The following CSMD1 variants were observed in gnomAD, a reference collection of about 807,000 sequenced individuals.
CSMD1 encodes the protein CUB and Sushi multiple domains 1, also known as CUB and sushi domain-containing protein 1.
In CSMD1, 213 loss-of-function variants were observed where a neutral mutation model predicts 417.5. The ratio of observed to expected loss-of-function variants is 0.51; its 90% CI spans 0.46 to 0.57. The LOEUF (loss-of-function observed/expected upper bound fraction) is 0.57. Among genes scored for constraint, CSMD1 ranks in the 20% least tolerant of loss-of-function variants. CSMD1 has a pLI of 0.00. For missense variants in CSMD1, 6,923 were observed against 4,529.7 expected (o/e 1.53, Z -15.17); for synonymous variants, 2,862 against 1,736.8 (o/e 1.65, Z -16.11).
At chr8:3,903,015 A>C (rs2975335) in intron 5 of CSMD1, among the ~76,000 whole-genome samples, 104 of 152,174 alleles carry the variant, frequency 6.8e-4, no homozygotes, top group Non-Finnish European at 8.8e-5. Context: ...CGATGAATGC[A>C]CGTTTCTGTG....
At chr8:4,982,231 G>A (rs974536233) in intron 1 of CSMD1, among the ~76,000 whole-genome samples, 1 of 152,188 alleles carries the variant, frequency 6.6e-6, no homozygotes, top group African/African-American at 2.4e-5. Flanking sequence ...TGTGCTGTTT[G>A]AAGCTGTTGC....
At chr8:4,186,156 T>A (rs1798663830) in intron 3 of CSMD1, among the ~76,000 whole-genome samples, 1 of 152,124 alleles carries the variant, frequency 6.6e-6, no homozygotes, top group Non-Finnish European at 1.5e-5. Context: ...CACTGGAGCA[T>A]ATGAGAAGCA....
intron 3 of CSMD1, among the ~76,000 whole-genome samples, chr8:4,407,588 T>C (rs926220521): frequency 6.6e-6 from 1 of 152,224 alleles, no homozygotes; most frequent in Admixed American, 6.5e-5. Flanking sequence ...GATACCTCAC[T>C]TAAATTTCTA....
chr8:3,050,098 G>C (rs1400717677), intron 50 of CSMD1, among the ~76,000 whole-genome samples: 1 of 141,420 alleles, frequency 7.1e-6, no homozygotes, highest in African/African-American at 2.6e-5. Flanking sequence ...ATAACACCTA[G>C]AGAACTTAAA....
intron 5 of CSMD1, among the ~76,000 whole-genome samples, chr8:3,766,062 C>G (rs1019212226): frequency 3.9e-5 from 6 of 152,180 alleles, no homozygotes; most frequent in African/African-American, 9.7e-5. Context: ...CAGGGAATTG[C>G]TCAGAACTCA....
Position 4,124,436 on chromosome 8 carries a change from G to A in CSMD1, c.416-92337C>T, listed in dbSNP as rs559367420. On this transcript the variant is annotated intron_variant, in intron 3 of 69. Transcript: ENST00000635120. ...TTTTTTCCCTTTAGTGTAGAAGGGA[G>A]GAAACCCACGAAGCTGCAGATGGCC... Among the ~76,000 whole-genome samples the A allele has an allele frequency of 9.9e-5, 15 of 151,962 alleles. 1 individual carries two copies. In the South Asian group the frequency reaches 3.1e-3, roughly 31 times the overall value.
chr8:4,747,422 G>A (rs573816652), intron 1 of CSMD1, among the ~76,000 whole-genome samples: 13 of 152,244 alleles, frequency 8.5e-5, no homozygotes, highest in South Asian at 2.1e-4. Flanking sequence ...ATACAATAGT[G>A]TGTTAAAAGG....
At chr8:4,141,227 T>A (rs747162615) in intron 3 of CSMD1, among the ~76,000 whole-genome samples, 1 of 151,050 alleles carries the variant, frequency 6.6e-6, no homozygotes, top group African/African-American at 2.5e-5. Flanking sequence ...AACCTTCACA[T>A]TTACAAGATA....
intron 1 of CSMD1, among the ~76,000 whole-genome samples, chr8:4,927,786 G>C (rs925067913): frequency 1.4e-4 from 22 of 152,058 alleles, no homozygotes; most frequent in Admixed American, 3.3e-4. Context: ...TGAAACCTTG[G>C]ATTCCAACTT....
chr8:3,854,029 T>G (rs948086591), intron 5 of CSMD1, among the ~76,000 whole-genome samples: 5 of 145,754 alleles, frequency 3.4e-5, no homozygotes, highest in African/African-American at 1.2e-4. Context: ...TATAAATATA[T>G]TAAATATAAT....
intron 12 of CSMD1, among the ~76,000 whole-genome samples, chr8:3,453,420 A>G (rs905503326): frequency 5.9e-5 from 9 of 151,646 alleles, no homozygotes; most frequent in Non-Finnish European, 1.2e-4. Flanking sequence ...TCAATTTTAG[A>G]TCTTGCCTGC....
chr8:4,499,064 G>A (rs564567405), intron 2 of CSMD1, among the ~76,000 whole-genome samples: 7 of 152,240 alleles, frequency 4.6e-5, no homozygotes, highest in Non-Finnish European at 7.4e-5. Context: ...ATACAGCACT[G>A]ATGAAAGTGC....
At chr8:4,819,216 C>A (rs1002231595) in intron 1 of CSMD1, among the ~76,000 whole-genome samples, 1 of 152,082 alleles carries the variant, frequency 6.6e-6, no homozygotes, top group Non-Finnish European at 1.5e-5. Flanking sequence ...ATAATAATAA[C>A]AATTATTACA....
At chr8:3,912,129 C>G (rs780577847) in intron 5 of CSMD1, among the ~76,000 whole-genome samples, 11 of 152,114 alleles carry the variant, frequency 7.2e-5, no homozygotes, top group Non-Finnish European at 1.2e-4. Flanking sequence ...GACTGATTTT[C>G]TATTTTTATT....
intron 3 of CSMD1, among the ~76,000 whole-genome samples, chr8:4,135,773 G>A (rs1178042668): frequency 1.3e-5 from 2 of 152,102 alleles, no homozygotes; most frequent in Non-Finnish European, 2.9e-5. Context: ...AAGAGAAACT[G>A]ATTAATGATA....
chr8:3,899,581 G>C (rs1251616964), intron 5 of CSMD1, among the ~76,000 whole-genome samples: 1 of 152,184 alleles, frequency 6.6e-6, no homozygotes, highest in Admixed American at 6.5e-5. Flanking sequence ...TAAAATTTCT[G>C]TTTCTCAAGG....
chr8:4,932,160 G>A (rs571906220), intron 1 of CSMD1, among the ~76,000 whole-genome samples: 88 of 151,690 alleles, frequency 5.8e-4, no homozygotes, highest in African/African-American at 2.1e-3. Flanking sequence ...ATTGATTACA[G>A]CAATAGAGAT....
intron 6 of CSMD1, among the ~76,000 whole-genome samples, chr8:3,733,942 C>T (rs991781997): frequency 2.0e-5 from 3 of 152,072 alleles, no homozygotes; most frequent in Admixed American, 2.0e-4. Flanking sequence ...TTTCGGCCAT[C>T]CACTGGGGTC....
Position 3,594,119 on chromosome 8 carries a change from C to T in CSMD1, c.1098-7859G>A, listed in dbSNP as rs541670815. Among the ~76,000 whole-genome samples, 38 of 152,286 alleles carry T rather than the reference C, an allele frequency of 2.5e-4. No individual in the cohort carries two copies. In the East Asian group the frequency reaches 3.7e-3, roughly 15 times the overall value. ...TCAGCATCTTGAAAACATTTAGCTG[C>T]TCCTCACTCTTCACTCTTTTCCATG... On this transcript the variant is annotated intron_variant, in intron 8 of 69. Transcript: ENST00000635120.
Sources: allele counts gnomAD v4.1 joint callset (sites outside exome capture counted in the v4.1 genomes callset), GRCh38; gene constraint gnomAD v4.1.1; transcripts MANE v1.5; gene names NCBI Gene and HGNC (gene_info 2026-07-23, HGNC 2026-07-21).